BMP5: variants seen among roughly 807,000 people sequenced by gnomAD.
BMP5 encodes bone morphogenetic protein 5.
A neutral mutation model predicts 46.6 loss-of-function variants in BMP5; 23 were observed. The observed-to-expected ratio is 0.49, with a 90% CI of 0.35 to 0.70. The LOEUF is 0.70. Ranked by LOEUF, BMP5 falls within the 30% of genes least tolerant of loss-of-function variation. BMP5 has a pLI of 0.00. For missense variants in BMP5, 545 were observed against 565.6 expected (o/e 0.96, Z 0.37); for synonymous variants, 204 against 191.9 (o/e 1.06, Z -0.52).
chr6:55,777,280 T>G (rs2127522552), intron 3 of BMP5, among the ~76,000 whole-genome samples: 1 of 152,062 alleles, frequency 6.6e-6, no homozygotes, highest in South Asian at 2.1e-4. Context: ...AAAAAAAAAG[T>G]AAATTCTTTA....
intron 3 of BMP5, 100 bp downstream of exon 3, chr6:55,794,179 C>A: frequency 7.6e-7 from 1 of 1,317,708 alleles, no homozygotes; most frequent in Non-Finnish European, 1.1e-6. Flanking sequence ...ACTTGGACAT[C>A]ATAAATATAA....
chr6:55,764,204 A>G lies in BMP5; in HGVS notation c.1028-3671T>C, dbSNP rs116802347. Among the ~76,000 whole-genome samples, 824 of 152,322 alleles carry G rather than the reference A, an allele frequency of 5.4e-3. 3 individuals carry two copies. Among genetic ancestry groups the G allele is most frequent in the African/African-American group, 0.012 (510 of 41,578 alleles). On this transcript the variant is annotated intron_variant, in intron 4 of 6. Transcript: ENST00000370830. ...ACTATTCACAAGATACAGAAGCAACATAAGTGTCCATCAGTGTATGAATGG... is the reference window on the plus strand; with the variant it reads ...ACTATTCACAAGATACAGAAGCAACGTAAGTGTCCATCAGTGTATGAATGG...
chr6:55,775,246 C>T (rs1775148667), intron 3 of BMP5, among the ~76,000 whole-genome samples: 1 of 151,902 alleles, frequency 6.6e-6, no homozygotes, highest in African/African-American at 2.4e-5. Context: ...TGTCAAATCA[C>T]TTTGGAGTGG....
At chr6:55,850,376 A>AGAT (rs1554185911) in intron 1 of BMP5, among the ~76,000 whole-genome samples, 5 of 141,594 alleles carry the variant, frequency 3.5e-5, no homozygotes, top group African/African-American at 1.3e-4. Flanking sequence ...ATAGATAGAT[A>AGAT]GATAGATAGA....
At chr6:55,762,021 G>A (rs1360435912) in intron 4 of BMP5, among the ~76,000 whole-genome samples, 2 of 152,048 alleles carry the variant, frequency 1.3e-5, no homozygotes, top group Non-Finnish European at 2.9e-5. Context: ...ATTTTGGAAT[G>A]TAATCTGAAA....
intron 2 of BMP5, among the ~76,000 whole-genome samples, chr6:55,814,085 T>G (rs975092366): frequency 4.6e-5 from 7 of 152,160 alleles, no homozygotes; most frequent in Non-Finnish European, 1.0e-4. Context: ...CACAGAAAGA[T>G]TCAATGATAT....
At chr6:55,757,205 G>A (rs895997622) in intron 6 of BMP5, among the ~76,000 whole-genome samples, 1 of 151,748 alleles carries the variant, frequency 6.6e-6, no homozygotes, top group East Asian at 1.9e-4. Context: ...TTTGACAAAG[G>A]GTATTTTTCA....
chr6:55,763,109 C>T (rs10948953), intron 4 of BMP5, among the ~76,000 whole-genome samples: 60,786 of 151,830 alleles, frequency 0.4, 12,596 homozygotes, highest in Middle Eastern at 0.58. Flanking sequence ...CTTTTTCAAA[C>T]TCTGCATTAG....
intron 4 of BMP5, among the ~76,000 whole-genome samples, chr6:55,768,526 A>G (rs1774971492): frequency 6.6e-6 from 1 of 151,954 alleles, no homozygotes; most frequent in South Asian, 2.1e-4. Context: ...AGGCTAGGCT[A>G]AGCTATGATA....
At chr6:55,806,931 C>A (rs541734442) in intron 2 of BMP5, among the ~76,000 whole-genome samples, 1 of 152,180 alleles carries the variant, frequency 6.6e-6, no homozygotes, top group South Asian at 2.1e-4. Context: ...TATCCTGAGA[C>A]TTTTTGGAAG....
In BMP5 at chr6:55,766,080, CT is replaced by C. The variant is rs1164570417; in HGVS notation, c.1028-5548del. On this transcript the variant is annotated intron_variant, in intron 4 of 6. Coordinates refer to ENST00000370830, the MANE Select transcript of BMP5 (RefSeq NM_021073.4). The stretch of plus-strand genomic sequence containing the variant: ...TGATTTTCATTTTTCCCCTCTGATC[CT>C]ATATTAAATGGATCCACAAAGCCTC... Among the ~76,000 whole-genome samples the C allele has an allele frequency of 3.3e-5, 5 of 152,192 alleles. No homozygotes were observed. In the East Asian group the frequency reaches 9.7e-4, roughly 30 times the overall value.
In BMP5 at chr6:55,820,099, CA is replaced by C. The variant is rs568444941; in HGVS notation, c.491-253del. 4.5e-3 allele frequency among the ~76,000 whole-genome samples: 682 copies of C among 152,182 alleles called. 6 individuals carry two copies. Among genetic ancestry groups the C allele is most frequent in the African/African-American group, 0.016 (650 of 41,532 alleles). ...CTGGATCCTAAATGGAAAGGTTATC[CA>C]AAAATGTTTTTAAAAGTGAAGGCTG... On this transcript the variant is annotated intron_variant, in intron 1 of 6. Transcript: ENST00000370830.
chr6:55,770,311 G>A (rs1213070854), intron 4 of BMP5, among the ~76,000 whole-genome samples: 1 of 151,820 alleles, frequency 6.6e-6, no homozygotes, highest in East Asian at 1.9e-4. Context: ...GTTTCACCTT[G>A]CACTTTTTTG....
intron 2 of BMP5, among the ~76,000 whole-genome samples, chr6:55,802,411 A>G (rs1307275384): frequency 2.6e-5 from 4 of 152,224 alleles, no homozygotes; most frequent in Non-Finnish European, 5.9e-5. Flanking sequence ...TGCATAGAGT[A>G]CAAGAGATCA....
At chr6:55,815,977 C>G (rs1461044180) in intron 2 of BMP5, among the ~76,000 whole-genome samples, 1 of 151,884 alleles carries the variant, frequency 6.6e-6, no homozygotes, top group East Asian at 1.9e-4. Flanking sequence ...GCAGACAGAA[C>G]AGTGGGCATA....
intron 3 of BMP5, among the ~76,000 whole-genome samples, chr6:55,787,520 C>T (rs1302072034): frequency 6.6e-6 from 1 of 151,568 alleles, no homozygotes; most frequent in East Asian, 1.9e-4. Context: ...GGAAATATTA[C>T]TGGATATTTT....
At chr6:55,836,523 G>C (rs1776796242) in intron 1 of BMP5, among the ~76,000 whole-genome samples, 1 of 152,016 alleles carries the variant, frequency 6.6e-6, no homozygotes, top group South Asian at 2.1e-4. Flanking sequence ...GTCAGAATGA[G>C]ATTTTTGTCT....
At chr6:55,764,508 G>T (rs1293102960) in intron 4 of BMP5, among the ~76,000 whole-genome samples, 1 of 150,656 alleles carries the variant, frequency 6.6e-6, no homozygotes, top group Non-Finnish European at 1.5e-5. Context: ...GGGAGGCGGA[G>T]CTTGCAGTGA....
chr6:55,767,070 C>T (rs1266171457), intron 4 of BMP5, among the ~76,000 whole-genome samples: 1 of 151,898 alleles, frequency 6.6e-6, no homozygotes, highest in Non-Finnish European at 1.5e-5. Flanking sequence ...TATATTCTTC[C>T]TGTGGATTTT....
Sources: allele counts gnomAD v4.1 joint callset (sites outside exome capture counted in the v4.1 genomes callset), GRCh38; gene constraint gnomAD v4.1.1; transcripts MANE v1.5; gene names NCBI Gene and HGNC (gene_info 2026-07-23, HGNC 2026-07-21).